Variants in POFUT1 observed in about 807,000 individuals in gnomAD.
POFUT1 encodes GDP-fucose protein O-fucosyltransferase 1.
In POFUT1, 16 loss-of-function variants were observed where a neutral mutation model predicts 42.4. The ratio of observed to expected loss-of-function variants is 0.38; its 90% CI spans 0.26 to 0.57. The LOEUF is 0.57. POFUT1 is among the 20% of genes least tolerant of loss of function. The probability of loss-of-function intolerance (pLI) is 0.71; values close to 1 mark genes in which losing one functional copy is unlikely to be tolerated. For missense variants in POFUT1, 470 were observed against 504.6 expected, an observed-to-expected ratio of 0.93 and a Z score of 0.66; for synonymous variants, 206 against 205.4, an observed-to-expected ratio of 1.00 and a Z score of -0.03.
chr20:32,217,351 A>G (rs538665366), intron 4 of POFUT1: 411 of 1,149,454 alleles, frequency 3.6e-4, no homozygotes, highest in Non-Finnish European at 4.2e-4. Context: ...ATGTTATAGC[A>G]TGGCAGGAAA....
At chr20:32,231,148 G>C in intron 6 of POFUT1, 87 bp downstream of exon 6, 1 of 1,472,010 alleles carries the variant, frequency 6.8e-7, no homozygotes, top group Non-Finnish European at 9.4e-7. Flanking sequence ...TGCTTCACGG[G>C]CTCCCCTACA....
chr20:32,222,586 A>G (rs1237251972), intron 4 of POFUT1: 32 of 984,680 alleles, frequency 3.2e-5, no homozygotes, highest in Non-Finnish European at 3.6e-5. Flanking sequence ...TCTTTCCCCC[A>G]CCTCGCCCGG....
intron 5 of POFUT1, among the ~76,000 whole-genome samples, chr20:32,229,723 C>G (rs1435010569): frequency 6.6e-6 from 1 of 152,120 alleles, no homozygotes; most frequent in Non-Finnish European, 1.5e-5. Flanking sequence ...GCCAGGCTTT[C>G]TGTGCTGTGC....
At chr20:32,215,982 C>T (rs1190244520) in intron 3 of POFUT1, among the ~76,000 whole-genome samples, 1 of 152,194 alleles carries the variant, frequency 6.6e-6, no homozygotes, top group African/African-American at 2.4e-5. Context: ...GGTAATTTGG[C>T]ACCATTGTCT....
chr20:32,212,823 C>A (rs1252845578), intron 2 of POFUT1, among the ~76,000 whole-genome samples: 1 of 152,160 alleles, frequency 6.6e-6, no homozygotes, highest in Non-Finnish European at 1.5e-5. Flanking sequence ...CTCAAGTATT[C>A]TACCTGCCTT....
intron 4 of POFUT1, chr20:32,222,486 AC>A: frequency 1.9e-6 from 1 of 533,466 alleles, no homozygotes; most frequent in Non-Finnish European, 2.4e-6. Context: ...GTCCATTATA[AC>A]CCTTTTGCTT....
At chr20:32,223,858 T>G (rs1258511290) in intron 4 of POFUT1, 4 of 209,868 alleles carry the variant, frequency 1.9e-5, no homozygotes, top group Non-Finnish European at 2.5e-5. Flanking sequence ...GAACATAGGA[T>G]CTGGAGCACA....
At position 32,234,591 on chromosome 20, in the gene POFUT1, G is replaced by A. The variant is rs746611713; in HGVS notation, c.1097G>A (p.Arg366Gln). The change falls in exon 7 of 7, where the codon CGG becomes CAG. Residue 366 changes from arginine (R) to glutamine (Q), a missense_variant. By Grantham distance (43) the Arg-to-Gln change is conservative. Transcript: ENST00000375749. ...SSFTAFVKRE[R>Q]DLQGRPSSFF... is the part of the protein sequence containing the mutation. Reference sequence around the variant, plus strand: ...TTCACTGCCTTTGTGAAGCGGGAGCGGGACCTCCAGGGGAGGCCGTCTTCT... The same window carrying A: ...TTCACTGCCTTTGTGAAGCGGGAGCAGGACCTCCAGGGGAGGCCGTCTTCT... The A allele has an allele frequency of 1.9e-5, 31 of 1,614,032 alleles. No individual in the cohort carries two copies. Among genetic ancestry groups the A allele is most frequent in the Admixed American group, 1.3e-4 (8 of 59,990 alleles).
chr20:32,220,929 G>A (rs2047388059), intron 4 of POFUT1, among the ~76,000 whole-genome samples: 1 of 152,094 alleles, frequency 6.6e-6, no homozygotes, highest in South Asian at 2.1e-4. Flanking sequence ...TCCAGGGAGT[G>A]AGTGTCCCAA....
chr20:32,214,906 C>T (rs978555726), intron 2 of POFUT1, among the ~76,000 whole-genome samples: 6 of 152,032 alleles, frequency 3.9e-5, no homozygotes, highest in Admixed American at 6.6e-5. Context: ...TTTTTTGAGA[C>T]GGAGTCTTGC....
chr20:32,224,722 T>TG (rs1261529865), intron 4 of POFUT1, among the ~76,000 whole-genome samples: 2 of 152,200 alleles, frequency 1.3e-5, no homozygotes, highest in Non-Finnish European at 2.9e-5. Context: ...CAGTCTCTGT[T>TG]GGGTGTGGAG....
Position 32,208,077 on chromosome 20 carries a change from C to A in POFUT1, c.124+12C>A. On this transcript the variant is annotated intron_variant, in intron 1 of 6. Transcript: ENST00000375749. ...CTGCCCCTGCATGGGTAAGGCCTCC[C>A]AAGCCCTCTGCTCAGATGGAGAAAC... 6.5e-7 allele frequency: 1 copy of A among 1,543,696 alleles called. No individual in the cohort carries two copies. Among genetic ancestry groups the A allele is most frequent in the East Asian group, 2.4e-5 (1 of 40,842 alleles).
chr20:32,216,481 G>C, intron 3 of POFUT1, 128 bp from the exon 4 acceptor site: 1 of 648,864 alleles, frequency 1.5e-6, no homozygotes, highest in Non-Finnish European at 2.8e-6. Flanking sequence ...ATTTCTCCTA[G>C]GCCATCCTGT....
chr20:32,234,553 C>T lies in POFUT1; in HGVS notation c.1059C>T (p.Asn353=), dbSNP rs1234266240. The T allele has an allele frequency of 1.9e-6, 3 of 1,614,120 alleles. No individual in the cohort carries two copies. The highest frequency in any genetic ancestry group is 2.5e-6 in the Non-Finnish European group (3 of 1,180,036). ...GCCAAGCCGACCACTTTATTGGCAA[C>T]TGTGTCTCCTCCTTCACTGCCTTTG... ...ILGQADHFIG[N]CVSSFTAFVK... is the part of the protein sequence containing the mutation. The change falls in exon 7 of 7, where the codon AAC becomes AAT. Residue 353 remains asparagine (N), a synonymous_variant. Coordinates refer to ENST00000375749, the MANE Select transcript of POFUT1 (RefSeq NM_015352.2).
chr20:32,234,736 A>C lies in POFUT1; in HGVS notation c.*75A>C. The C allele has an allele frequency of 7.5e-7, 1 of 1,338,380 alleles. No individual in the cohort carries two copies. The allele number at this position is 1,338,380 out of a possible 1,614,324, so 82.9% of individuals were successfully genotyped here. A position where few individuals can be genotyped will look rare whatever the true frequency, so the allele number is the denominator to read the frequency against. ...GCTGGTCCTTCCAGCCAGGCCTGGCAGCCAGAGGTGCTCCGGGATTGCAAA... is the reference window on the plus strand; with the variant it reads ...GCTGGTCCTTCCAGCCAGGCCTGGCCGCCAGAGGTGCTCCGGGATTGCAAA... On this transcript the variant is annotated 3_prime_UTR_variant, in exon 7 of 7. Coordinates refer to ENST00000375749, the MANE Select transcript of POFUT1 (RefSeq NM_015352.2).
chr20:32,223,501 G>T, intron 4 of POFUT1: 1 of 985,390 alleles, frequency 1.0e-6, no homozygotes, highest in Non-Finnish European at 1.2e-6. Flanking sequence ...AGGTCGGGGG[G>T]TGGCAGGGGG....
At position 32,234,483 on chromosome 20, in the gene POFUT1, T is replaced by C; in HGVS notation, c.989T>C (p.Val330Ala). 6.2e-7 allele frequency: 1 copy of C among 1,605,958 alleles called. No homozygotes were observed. Among genetic ancestry groups the C allele is most frequent in the South Asian group, 1.1e-5 (1 of 89,776 alleles). ...QQLFKGKVKVVSLKPEVAQVD... is the reference protein window; with the variant it reads ...QQLFKGKVKVASLKPEVAQVD... ...TGCTTCTTCCTGCAGGTGAAGGTGG[T>C]GAGCCTGAAGCCTGAGGTGGCCCAG... is the stretch of plus-strand genomic sequence containing the variant. Residue 330 changes from valine to alanine, a missense_variant, in exon 7 of 7, where the codon GTG (valine) becomes GCG (alanine). Transcript: ENST00000375749.
At position 32,228,567 on chromosome 20, in the gene POFUT1, T is replaced by C. The variant is rs532883500; in HGVS notation, c.735+112T>C. Reference sequence around the variant, plus strand: ...GCCAGAGCAGAGATCTCTCACTTGTTCTGGTTCGTGGGATTGTGTCCCATC... The same window carrying C: ...GCCAGAGCAGAGATCTCTCACTTGTCCTGGTTCGTGGGATTGTGTCCCATC... On this transcript the variant is annotated intron_variant, in intron 5 of 6. Transcript: ENST00000375749. 13 of 902,392 alleles carry C rather than the reference T, an allele frequency of 1.4e-5. No homozygotes were observed. The South Asian group carries it at 2.0e-4, about 14-fold the overall frequency. 55.9% of individuals were successfully genotyped at this position (902,392 alleles called of 1,614,324 possible).
intron 5 of POFUT1, among the ~76,000 whole-genome samples, chr20:32,230,202 G>A (rs1343017896): frequency 2.6e-5 from 4 of 151,794 alleles, no homozygotes; most frequent in African/African-American, 9.7e-5. Context: ...CCTGGCTAAC[G>A]TGGTGAAACC....
Sources: allele counts gnomAD v4.1 joint callset (sites outside exome capture counted in the v4.1 genomes callset), GRCh38; gene constraint gnomAD v4.1.1; transcripts MANE v1.5; gene names NCBI Gene and HGNC (gene_info 2026-07-23, HGNC 2026-07-21).